The following TRDMT1 variants were observed in gnomAD, a reference collection of about 807,000 sequenced individuals.
TRDMT1 encodes the protein tRNA (cytosine(38)-C(5))-methyltransferase.
In TRDMT1, 49 loss-of-function variants were observed where a neutral mutation model predicts 51.2. The ratio of observed to expected loss-of-function variants is 0.96; its 90% confidence interval spans 0.76 to 1.21. The LOEUF (loss-of-function observed/expected upper bound fraction) is 1.21, where lower values mean the gene tolerates loss of function less well. Ranked by LOEUF, TRDMT1 falls within the 50% of genes most tolerant of loss-of-function variation. TRDMT1 has a pLI of 0.00. For synonymous variants in TRDMT1, 187 were observed against 164.6 expected, an observed-to-expected ratio of 1.14 and a Z score of -1.04; for missense variants, 534 against 462.3, an observed-to-expected ratio of 1.16 and a Z score of -1.42.
At chr10:17,193,169 G>A (rs1844925178) in intron 1 of TRDMT1, among the ~76,000 whole-genome samples, 1 of 152,128 alleles carries the variant, frequency 6.6e-6, no homozygotes, top group African/African-American at 2.4e-5. Flanking sequence ...TTCGAGACCA[G>A]CCTGGCCAAC....
At chr10:17,181,287 T>C (rs1445375965) in intron 1 of TRDMT1, among the ~76,000 whole-genome samples, 1 of 152,144 alleles carries the variant, frequency 6.6e-6, no homozygotes, top group Non-Finnish European at 1.5e-5. Flanking sequence ...GAGCTCCGTT[T>C]GCTGTGACGG....
chr10:17,143,534 G>A lies in TRDMT1; in HGVS notation c.*5506C>T. On this transcript the variant is annotated 3_prime_UTR_variant, in exon 11 of 11. Coordinates refer to ENST00000377799, the MANE Select transcript of TRDMT1 (RefSeq NM_004412.7). ...TTAACTGGACTTGTGTAAGGAACCA[G>A]CTAAGTGAGTAAAATAGCAAATATT... The A allele has an allele frequency of 2.0e-6, 2 of 985,354 alleles. No individual in the cohort carries two copies. Among genetic ancestry groups the A allele is most frequent in the African/African-American group, 1.7e-5 (1 of 57,304 alleles). 61.0% of individuals were successfully genotyped at this position (985,354 alleles called of 1,614,324 possible).
intron 2 of TRDMT1, among the ~76,000 whole-genome samples, chr10:17,173,577 A>G (rs2131512344): frequency 6.6e-6 from 1 of 152,292 alleles, no homozygotes; most frequent in South Asian, 2.1e-4. Context: ...AGAACAATTT[A>G]GCATGATGGA....
At position 17,140,504 on chromosome 10, in the gene TRDMT1, G is replaced by A. The variant is rs903729269; in HGVS notation, c.*8536C>T. On this transcript the variant is annotated 3_prime_UTR_variant, in exon 11 of 11. Transcript: ENST00000377799. ...GTACCCACTATCTGTCAGCATCTGAGAAAGGTACTGAGGATACACAAATGG... is the reference window on the plus strand; with the variant it reads ...GTACCCACTATCTGTCAGCATCTGAAAAAGGTACTGAGGATACACAAATGG... Among the ~76,000 whole-genome samples the A allele has an allele frequency of 2.6e-5, 4 of 152,114 alleles. No individual in the cohort carries two copies. The highest frequency in any genetic ancestry group is 7.2e-5 in the African/African-American group (3 of 41,404).
At chr10:17,153,691 T>A (rs1349344841) in intron 9 of TRDMT1, 55 bp from the exon 10 acceptor site, 13 of 1,500,384 alleles carry the variant, frequency 8.7e-6, no homozygotes, top group Non-Finnish European at 9.8e-6. Flanking sequence ...AGATTTAAGA[T>A]CTCCTGCTGT....
At chr10:17,187,127 A>G (rs998185915) in intron 1 of TRDMT1, among the ~76,000 whole-genome samples, 7 of 152,214 alleles carry the variant, frequency 4.6e-5, no homozygotes, top group Admixed American at 1.3e-4. Context: ...TGTCTCGTTC[A>G]ATGCTGTATC....
In TRDMT1 at chr10:17,146,182, A is replaced by C; in HGVS notation, c.*2858T>G. ...GCAACAGTTTACCCTCAAATTTCTA[A>C]AAAAGTGCTGGGTGGACCCTCACTG... On this transcript the variant is annotated 3_prime_UTR_variant, in exon 11 of 11. Coordinates refer to ENST00000377799, the MANE Select transcript of TRDMT1 (RefSeq NM_004412.7). 1.0e-6 allele frequency: 1 copy of C among 985,458 alleles called. No individual in the cohort carries two copies. Among genetic ancestry groups the C allele is most frequent in the Non-Finnish European group, 1.2e-6 (1 of 829,934 alleles). 61.0% of individuals were successfully genotyped at this position (985,458 alleles called of 1,614,324 possible).
At chr10:17,171,125 G>C (rs796388161) in intron 2 of TRDMT1, among the ~76,000 whole-genome samples, 8 of 151,962 alleles carry the variant, frequency 5.3e-5, no homozygotes, top group African/African-American at 1.9e-4. Context: ...GTGTGTGTGT[G>C]TGTGTGTGTG....
At position 17,141,563 on chromosome 10, in the gene TRDMT1, A is replaced by G. The variant is rs1837697448; in HGVS notation, c.*7477T>C. 6.6e-6 allele frequency among the ~76,000 whole-genome samples: 1 copy of G among 152,118 alleles called. No homozygotes were observed. Among genetic ancestry groups the G allele is most frequent in the African/African-American group, 2.4e-5 (1 of 41,428 alleles). On this transcript the variant is annotated 3_prime_UTR_variant, in exon 11 of 11. Coordinates refer to ENST00000377799, the MANE Select transcript of TRDMT1 (RefSeq NM_004412.7). ...CCCCTCTACTTCTGGCACCCCAAAC[A>G]TATAAATGTTGGTTCTTCTGTTATT... is the stretch of plus-strand genomic sequence containing the variant.
chr10:17,168,685 T>C (rs1005985621), intron 3 of TRDMT1, among the ~76,000 whole-genome samples, 156 bp downstream of exon 3: 5 of 152,200 alleles, frequency 3.3e-5, no homozygotes, highest in African/African-American at 4.8e-5. Context: ...GACTTGTTCC[T>C]CCTTGCCTTC....
At position 17,139,838 on chromosome 10, in the gene TRDMT1, G is replaced by A. The variant is rs1837536623; in HGVS notation, c.*9202C>T. Among the ~76,000 whole-genome samples, 1 of 151,984 alleles carries A rather than the reference G, an allele frequency of 6.6e-6. No homozygotes were observed. Among genetic ancestry groups the A allele is most frequent in the African/African-American group, 2.4e-5 (1 of 41,354 alleles). On this transcript the variant is annotated 3_prime_UTR_variant, in exon 11 of 11. Coordinates refer to ENST00000377799, the MANE Select transcript of TRDMT1 (RefSeq NM_004412.7). The stretch of plus-strand genomic sequence containing the variant: ...TGACCTCACTTCTGTCTTTTTCAAT[G>A]CCGTTATTCTAAGATCTATAAAAAA...
intron 8 of TRDMT1, among the ~76,000 whole-genome samples, chr10:17,155,944 T>C (rs1839432334): frequency 6.6e-6 from 1 of 152,190 alleles, no homozygotes; most frequent in Non-Finnish European, 1.5e-5. Flanking sequence ...TAAGTCTTAT[T>C]TTATGAGAGT....
rs112309590 is a variant in TRDMT1, at chr10:17,145,711, T to G, written c.*3329A>C. On this transcript the variant is annotated 3_prime_UTR_variant, in exon 11 of 11. Coordinates refer to ENST00000377799, the MANE Select transcript of TRDMT1 (RefSeq NM_004412.7). ...TGGTCCTTATTGTGTTATCTTGGCT[T>G]TTTTAGAAACCGCTTGTTTCTAAAC... is the stretch of plus-strand genomic sequence containing the variant. The G allele has an allele frequency of 6.1e-6, 6 of 985,332 alleles. No individual in the cohort carries two copies. The highest frequency in any genetic ancestry group is 6.0e-6 in the Non-Finnish European group (5 of 829,936). 61.0% of individuals were successfully genotyped at this position (985,332 alleles called of 1,614,324 possible). A position where few individuals can be genotyped will look rare whatever the true frequency, so the allele number is the denominator to read the frequency against.
chr10:17,145,168 A>G lies in TRDMT1; in HGVS notation c.*3872T>C, dbSNP rs1316431292. On this transcript the variant is annotated 3_prime_UTR_variant, in exon 11 of 11. Coordinates refer to ENST00000377799, the MANE Select transcript of TRDMT1 (RefSeq NM_004412.7). ...AGGCTGAGGCAGGAAAATCACTTTA[A>G]CCCAGGAGGGGGAGATTGCAGTGAG... 5.1e-5 allele frequency: 35 copies of G among 691,756 alleles called. No individual in the cohort carries two copies. Among genetic ancestry groups the G allele is most frequent in the Admixed American group, 6.3e-5 (1 of 15,870 alleles). The allele number at this position is 691,756 out of a possible 1,614,324, so 42.9% of individuals were successfully genotyped here. A position where few individuals can be genotyped will look rare whatever the true frequency, so the allele number is the denominator to read the frequency against.
chr10:17,161,597 G>A, intron 4 of TRDMT1, 49 bp from the exon 5 acceptor site: 1 of 946,670 alleles, frequency 1.1e-6, no homozygotes, highest in East Asian at 3.3e-5. Context: ...TTACTAAGAA[G>A]AAAAAGTAAA....
chr10:17,145,277 C>CAAAACAAAAAA lies in TRDMT1; in HGVS notation c.*3762_*3763insTTTTTTGTTTT, dbSNP rs71377021. On this transcript the variant is annotated 3_prime_UTR_variant, in exon 11 of 11. Transcript: ENST00000377799. ...CAAAACAAAACAAAACAAAACAAAA[C>CAAAACAAAAAA]AAAAAAAACAGCAAAGGGAAACTCT... 684 of 941,552 alleles carry CAAAACAAAAAA rather than the reference C, an allele frequency of 7.3e-4. 16 individuals are homozygous for CAAAACAAAAAA. The East Asian group carries it at 0.062, about 86-fold the overall frequency. The allele number at this position is 941,552 out of a possible 1,614,324, so 58.3% of individuals were successfully genotyped here.
At position 17,201,290 on chromosome 10, in the gene TRDMT1, T is replaced by C. The variant is rs143754388; in HGVS notation, c.64+281A>G. On this transcript the variant is annotated intron_variant, in intron 1 of 10. Coordinates refer to ENST00000377799, the MANE Select transcript of TRDMT1 (RefSeq NM_004412.7). ...CTCGCCCCTTTGATACCCTTTGAGG[T>C]TGATTTACTGCCTTGCGAATCCCGA... 7.2e-4 allele frequency: 291 copies of C among 403,982 alleles called. 1 individual carries two copies. Among genetic ancestry groups the C allele is most frequent in the African/African-American group, 4.3e-3 (202 of 47,406 alleles). The allele number at this position is 403,982 out of a possible 1,614,324, so 25.0% of individuals were successfully genotyped here.
At chr10:17,175,677 A>AG (rs1842540925) in intron 1 of TRDMT1, among the ~76,000 whole-genome samples, 1 of 151,878 alleles carries the variant, frequency 6.6e-6, no homozygotes, top group African/African-American at 2.4e-5. Context: ...AAAAAGGAAA[A>AG]AAAAAAAAAA....
chr10:17,180,357 A>G (rs1037597734), intron 1 of TRDMT1, among the ~76,000 whole-genome samples: 2 of 152,068 alleles, frequency 1.3e-5, no homozygotes, highest in East Asian at 3.9e-4. Flanking sequence ...CCTGGCCAAC[A>G]TGGCAAAACC....
Sources: gnomAD v4.1 joint callset for allele counts (sites outside exome capture counted in the v4.1 genomes callset) on GRCh38, gnomAD v4.1.1 for gene constraint, MANE v1.5 for transcripts, NCBI Gene and HGNC (gene_info 2026-07-23, HGNC 2026-07-21) for gene names.